STK32B: variants seen among roughly 807,000 people sequenced by gnomAD.
STK32B encodes serine/threonine kinase 32B.
In STK32B, 43 loss-of-function variants were observed where a neutral mutation model predicts 52.6. The observed-to-expected ratio is 0.82, with a 90% CI of 0.64 to 1.05. The LOEUF (loss-of-function observed/expected upper bound fraction) is 1.05, where lower values mean the gene tolerates loss of function less well. Ranked by LOEUF, STK32B falls within the 50% of genes least tolerant of loss-of-function variation. The pLI, the probability that STK32B is intolerant of heterozygous loss-of-function variation, is 0.00. For missense variants in STK32B, 621 were observed against 534.6 expected (o/e 1.16, Z -1.59); for synonymous variants, 238 against 204.3 (o/e 1.17, Z -1.41).
intron 4 of STK32B, among the ~76,000 whole-genome samples, chr4:5,393,092 T>G (rs1279571643): frequency 2.0e-5 from 3 of 152,200 alleles, no homozygotes; most frequent in African/African-American, 7.2e-5. Flanking sequence ...AGCTTGCTGA[T>G]GGATGGGTGC....
intron 2 of STK32B, among the ~76,000 whole-genome samples, chr4:5,142,454 C>G (rs983284352): frequency 6.6e-6 from 1 of 152,218 alleles, no homozygotes; most frequent in African/African-American, 2.4e-5. Context: ...ATCCAGACTT[C>G]ACTGTAGGCA....
At chr4:5,170,879 C>T (rs972380042) in intron 3 of STK32B, among the ~76,000 whole-genome samples, 18 of 152,196 alleles carry the variant, frequency 1.2e-4, no homozygotes, top group Non-Finnish European at 1.9e-4. Flanking sequence ...CCTGAGGAAT[C>T]GCCACATTGA....
intron 2 of STK32B, among the ~76,000 whole-genome samples, chr4:5,146,725 A>C (rs1405077291): frequency 6.6e-6 from 1 of 152,220 alleles, no homozygotes; most frequent in Admixed American, 6.5e-5. Context: ...CATATGAAAA[A>C]TTAGATGATT....
chr4:5,157,076 C>T (rs749649477), intron 2 of STK32B, among the ~76,000 whole-genome samples: 11 of 151,960 alleles, frequency 7.2e-5, no homozygotes, highest in Non-Finnish European at 4.4e-5. Flanking sequence ...AGCAGGAATT[C>T]GATTTTAGAT....
chr4:5,160,168 C>T (rs1387557065), intron 2 of STK32B, among the ~76,000 whole-genome samples: 2 of 152,190 alleles, frequency 1.3e-5, no homozygotes, highest in African/African-American at 2.4e-5. Flanking sequence ...AACCATCACA[C>T]CAGACAACCA....
intron 3 of STK32B, among the ~76,000 whole-genome samples, chr4:5,321,204 G>A (rs1173441963): frequency 6.6e-6 from 1 of 152,038 alleles, no homozygotes; most frequent in Non-Finnish European, 1.5e-5. Context: ...CCAAAGTGTT[G>A]GAAGATTAAG....
At chr4:5,255,793 C>T (rs1215895237) in intron 3 of STK32B, among the ~76,000 whole-genome samples, 1 of 152,150 alleles carries the variant, frequency 6.6e-6, no homozygotes, top group Non-Finnish European at 1.5e-5. Flanking sequence ...TACTCTTCTA[C>T]TATATGAATA....
intron 11 of STK32B, among the ~76,000 whole-genome samples, chr4:5,478,440 A>T (rs1193570270): frequency 6.6e-6 from 1 of 152,210 alleles, no homozygotes; most frequent in African/African-American, 2.4e-5. Flanking sequence ...TGCTTCAGGC[A>T]ACAGCTGATA....
chr4:5,177,086 A>G (rs1050891455), intron 3 of STK32B, among the ~76,000 whole-genome samples: 2 of 152,198 alleles, frequency 1.3e-5, no homozygotes, highest in African/African-American at 4.8e-5. Context: ...GTAAGAGGTT[A>G]TATATGTGTG....
intron 3 of STK32B, among the ~76,000 whole-genome samples, chr4:5,310,262 G>T (rs1488892728): frequency 1.3e-5 from 2 of 152,016 alleles, no homozygotes; most frequent in Non-Finnish European, 2.9e-5. Context: ...CTTCAGAATG[G>T]GAGAAAATAT....
intron 1 of STK32B, among the ~76,000 whole-genome samples, chr4:5,132,472 G>A (rs182636736): frequency 1.2e-4 from 19 of 152,086 alleles, no homozygotes; most frequent in Non-Finnish European, 2.2e-4. Context: ...ACTTGCACCC[G>A]GAACCTAAAA....
At chr4:5,366,745 T>C (rs1362553430) in intron 4 of STK32B, among the ~76,000 whole-genome samples, 1 of 152,224 alleles carries the variant, frequency 6.6e-6, no homozygotes, top group East Asian at 1.9e-4. Flanking sequence ...TTGTTGAGCT[T>C]GATGCCAGAT....
chr4:5,198,514 A>C (rs1721878340), intron 3 of STK32B, among the ~76,000 whole-genome samples: 1 of 152,154 alleles, frequency 6.6e-6, no homozygotes, highest in African/African-American at 2.4e-5. Flanking sequence ...TTGGGTACTG[A>C]AGGACAAGGG....
intron 3 of STK32B, among the ~76,000 whole-genome samples, chr4:5,249,712 C>T (rs1343778186): frequency 6.6e-6 from 1 of 152,118 alleles, no homozygotes; most frequent in Non-Finnish European, 1.5e-5. Flanking sequence ...AGCCCTATTT[C>T]CCACGGTCTT....
chr4:5,361,045 T>C (rs1231533290), intron 4 of STK32B, among the ~76,000 whole-genome samples: 2 of 152,230 alleles, frequency 1.3e-5, no homozygotes, highest in Non-Finnish European at 2.9e-5. Flanking sequence ...CTATGGGTAC[T>C]AGGTACTTCA....
intron 1 of STK32B, among the ~76,000 whole-genome samples, chr4:5,069,370 C>T (rs1030819881): frequency 1.3e-5 from 2 of 152,030 alleles, no homozygotes; most frequent in Non-Finnish European, 2.9e-5. Flanking sequence ...CTCTTTTAGG[C>T]AGCTCTCTAA....
At chr4:5,208,176 C>T (rs963172054) in intron 3 of STK32B, among the ~76,000 whole-genome samples, 2 of 152,156 alleles carry the variant, frequency 1.3e-5, no homozygotes, top group Non-Finnish European at 2.9e-5. Flanking sequence ...GAGCCCTGAC[C>T]ATGTGAGGGC....
chr4:5,448,867 T>C (rs1458001038), intron 7 of STK32B, among the ~76,000 whole-genome samples: 1 of 152,198 alleles, frequency 6.6e-6, no homozygotes, highest in Non-Finnish European at 1.5e-5. Flanking sequence ...TAATTTATTC[T>C]CTGTTTTTCA....
At chr4:5,265,995 A>G (rs1459307405) in intron 3 of STK32B, among the ~76,000 whole-genome samples, 1 of 152,124 alleles carries the variant, frequency 6.6e-6, no homozygotes, top group Non-Finnish European at 1.5e-5. Context: ...AAAAATTTTC[A>G]CTTATTTTGT....
Sources: allele counts gnomAD v4.1 joint callset (sites outside exome capture counted in the v4.1 genomes callset), GRCh38; gene constraint gnomAD v4.1.1; transcripts MANE v1.5; gene names NCBI Gene and HGNC (gene_info 2026-07-23, HGNC 2026-07-21).